The following NCOR2 variants were observed in gnomAD, a reference collection of about 807,000 sequenced individuals.
NCOR2 encodes the protein CTG repeat protein 26.
Under a neutral mutation model 262.9 loss-of-function variants are expected in NCOR2, and 81 were observed. The observed-to-expected ratio is 0.31, with a 90% CI of 0.26 to 0.37. The LOEUF (loss-of-function observed/expected upper bound fraction) is 0.37, where lower values mean the gene tolerates loss of function less well. Ranked by LOEUF, NCOR2 falls within the 10% of genes least tolerant of loss-of-function variation. The pLI is 1.00. For missense variants in NCOR2, 3,385 were observed against 3,621.4 expected (o/e 0.93, Z 1.68); for synonymous variants, 1,659 against 1,559.3 (o/e 1.06, Z -1.51).
At chr12:124,416,449 C>G (rs539620019) in intron 13 of NCOR2, among the ~76,000 whole-genome samples, 18 of 152,342 alleles carry the variant, frequency 1.2e-4, no homozygotes, top group Admixed American at 1.2e-3. Context: ...GCTCCTCAAC[C>G]TCATCTTTGG....
At chr12:124,518,859 A>C (rs1239216537) in intron 1 of NCOR2, among the ~76,000 whole-genome samples, 1 of 152,080 alleles carries the variant, frequency 6.6e-6, no homozygotes, top group African/African-American at 2.4e-5. Context: ...CTCCAACCTG[A>C]GCGTAGCTCT....
At chr12:124,356,313 A>G (rs1337049362) in intron 23 of NCOR2, among the ~76,000 whole-genome samples, 2 of 152,218 alleles carry the variant, frequency 1.3e-5, no homozygotes, top group African/African-American at 4.8e-5. Context: ...GAACCAAGGT[A>G]GCGCCTCTGC....
intron 4 of NCOR2, among the ~76,000 whole-genome samples, chr12:124,470,355 A>C (rs555853476): frequency 6.6e-6 from 1 of 152,184 alleles, no homozygotes; most frequent in African/African-American, 2.4e-5. Flanking sequence ...GCTCCTAGGT[A>C]TACACCCATG....
Position 124,335,652 on chromosome 12 carries a change from C to T in NCOR2, c.6116-20G>A. 2.5e-6 allele frequency: 4 copies of T among 1,582,618 alleles called. No individual in the cohort carries two copies. The highest frequency in any genetic ancestry group is 3.4e-6 in the Non-Finnish European group (4 of 1,167,374). On this transcript the variant is annotated intron_variant, in intron 38 of 46. Transcript: ENST00000405201. ...GGTAACCTAGGGCAGGCGGGGGGTG[C>T]AGAGTCAGGCACCGGGCCCAGGGTT...
chr12:124,537,280 AAAGAAC>A (rs2051144831), upstream of NCOR2, among the ~76,000 whole-genome samples: 2 of 152,354 alleles, frequency 1.3e-5, no homozygotes, highest in East Asian at 3.9e-4. Flanking sequence ...TTCTGCATGA[AAAGAAC>A]AAGTAAAAAA....
At chr12:124,354,141 T>A (rs756865658) in exon 27 of NCOR2, 1 of 1,610,368 alleles carries the variant, frequency 6.2e-7, no homozygotes, top group African/African-American at 1.3e-5. Context: ...AGGGCACCCG[T>A]GTGCTGGGAA....
chr12:124,350,222 AG>A (rs2037330574), intron 28 of NCOR2, among the ~76,000 whole-genome samples: 1 of 152,034 alleles, frequency 6.6e-6, no homozygotes, highest in African/African-American at 2.4e-5. Flanking sequence ...CAGTGGGGCG[AG>A]GGGCACTCTG....
At chr12:124,417,159 G>A (rs1176454201) in intron 13 of NCOR2, among the ~76,000 whole-genome samples, 77 of 133,682 alleles carry the variant, frequency 5.8e-4, no homozygotes, top group Middle Eastern at 4.5e-3. Context: ...CGGAGAGCAG[G>A]CCGGACACTC....
chr12:124,551,898 A>T (rs2051725663), intron 1 of NCOR2, among the ~76,000 whole-genome samples: 1 of 152,240 alleles, frequency 6.6e-6, no homozygotes, highest in African/African-American at 2.4e-5. Context: ...CCAAGAGCCC[A>T]CATGGGAGAC....
At chr12:124,550,748 C>A (rs898861286) in intron 1 of NCOR2, among the ~76,000 whole-genome samples, 2 of 152,322 alleles carry the variant, frequency 1.3e-5, no homozygotes, top group Admixed American at 6.5e-5. Flanking sequence ...TCCACTAGGA[C>A]CTGGCAGGGG....
At chr12:124,391,652 C>G (rs7955415) in intron 16 of NCOR2, among the ~76,000 whole-genome samples, 7,793 of 152,248 alleles carry the variant, frequency 0.051, 346 homozygotes, top group African/African-American at 0.12. Flanking sequence ...TGGACTTGCA[C>G]CTCCCCACTC....
intron 1 of NCOR2, among the ~76,000 whole-genome samples, chr12:124,489,842 G>A (rs765112747): frequency 6.6e-6 from 1 of 152,164 alleles, no homozygotes; most frequent in African/African-American, 2.4e-5. Context: ...AGATGCGGGG[G>A]GATGTTTGAG....
In NCOR2 at chr12:124,432,790, GATCCCC is replaced by G. The variant is rs2044042694; in HGVS notation, c.883-2009_883-2004del. On this transcript the variant is annotated intron_variant, in intron 8 of 46. Coordinates refer to ENST00000405201, the Ensembl canonical transcript of NCOR2. This position sits in a 1 kb window ranked among gnomAD's most constrained non-coding sequence, Gnocchi z 5.1. The stretch of plus-strand genomic sequence containing the variant: ...GCCTGCTGCATGTCCTTTGAGAAGA[GATCCCC>G]AATCAGCCCAGAGCATAGCTGCCTG... 7.0e-6 allele frequency among the ~76,000 whole-genome samples: 1 copy of G among 143,512 alleles called. No individual in the cohort carries two copies. Among genetic ancestry groups the G allele is most frequent in the African/African-American group, 2.6e-5 (1 of 38,676 alleles). The allele number at this position is 143,512 out of a possible 152,430, so 94.1% of individuals were successfully genotyped here. A position where few individuals can be genotyped will look rare whatever the true frequency, so the allele number is the denominator to read the frequency against.
At chr12:124,411,470 C>T (rs545122615) in intron 13 of NCOR2, among the ~76,000 whole-genome samples, 10 of 152,270 alleles carry the variant, frequency 6.6e-5, no homozygotes, top group South Asian at 2.1e-4. Flanking sequence ...GGGCTGTTCC[C>T]GTCTCAGTGT....
intron 16 of NCOR2, among the ~76,000 whole-genome samples, chr12:124,391,407 C>T (rs2041295237): frequency 6.6e-6 from 1 of 152,140 alleles, no homozygotes; most frequent in African/African-American, 2.4e-5. Context: ...TCAGCATGCT[C>T]TGCCTAAAAC....
chr12:124,354,646 C>A, intron 25 of NCOR2, 64 bp from the exon 28 acceptor site: 1 of 1,425,942 alleles, frequency 7.0e-7, no homozygotes, highest in South Asian at 1.5e-5. Flanking sequence ...GGCTTGTCCC[C>A]ACCCAACCTG....
intron 2 of NCOR2, among the ~76,000 whole-genome samples, chr12:124,484,959 C>G (rs974939367): frequency 6.6e-6 from 1 of 152,230 alleles, no homozygotes. Context: ...TGCTGGCCCC[C>G]CCGGGGAGCG....
upstream of NCOR2, among the ~76,000 whole-genome samples, chr12:124,536,278 A>G (rs986161346): frequency 2.8e-4 from 42 of 152,144 alleles, no homozygotes; most frequent in African/African-American, 1.0e-3. Flanking sequence ...GGGTCTCACC[A>G]TGTTGCCCAG....
At chr12:124,372,032 C>T (rs199841782) in exon 20 of NCOR2, 450 of 1,588,514 alleles carry the variant, frequency 2.8e-4, no homozygotes, top group Non-Finnish European at 3.7e-4. Flanking sequence ...CGGTTCTTGT[C>T]GCCGCCCTCG....
Sources: gnomAD v4.1 joint callset for allele counts (sites outside exome capture counted in the v4.1 genomes callset) on GRCh38, gnomAD v4.1.1 for gene constraint, Gnocchi (gnomAD v3.1) non-coding constraint, MANE v1.5 for transcripts, NCBI Gene and HGNC (gene_info 2026-07-23, HGNC 2026-07-21) for gene names.